The following EPB41L1 variants were observed in gnomAD, a reference collection of about 807,000 sequenced individuals.
The protein encoded by EPB41L1 is erythrocyte membrane protein band 4.1 like 1, also known as band 4.1-like protein 1.
A neutral mutation model predicts 97.8 loss-of-function variants in EPB41L1; 29 were observed. The observed-to-expected ratio is 0.30, with a 90% confidence interval of 0.22 to 0.40. The LOEUF is 0.40. EPB41L1 is among the 10% of genes least tolerant of loss of function. EPB41L1 has a pLI of 1.00. For missense variants in EPB41L1, 812 were observed against 1,162.3 expected, an observed-to-expected ratio of 0.70 and a Z score of 4.38; for synonymous variants, 383 against 459.2, an observed-to-expected ratio of 0.83 and a Z score of 2.12.
intron 2 of EPB41L1, among the ~76,000 whole-genome samples, chr20:36,133,170 G>A (rs1006382786): frequency 7.9e-5 from 12 of 152,274 alleles, no homozygotes; most frequent in Admixed American, 3.9e-4. Flanking sequence ...GTCCACCAGC[G>A]TTGAGCCCCG....
Position 36,190,163 on chromosome 20 carries a change from G to T in EPB41L1, c.1027-114G>T. The T allele has an allele frequency of 1.2e-6, 1 of 861,146 alleles. No homozygotes were observed. Among genetic ancestry groups the T allele is most frequent in the South Asian group, 1.5e-5 (1 of 68,552 alleles). 53.3% of individuals were successfully genotyped at this position (861,146 alleles called of 1,614,324 possible). ...TGTACTCCACCCTGGGCAAATGATC[G>T]AGACCCTGTGTCTCAAAAAAACATT... is the stretch of plus-strand genomic sequence containing the variant. On this transcript the variant is annotated intron_variant, in intron 9 of 21. Coordinates refer to ENST00000338074, the MANE Select transcript of EPB41L1 (RefSeq NM_012156.2). This position sits in a 1 kb window ranked among gnomAD's most constrained non-coding sequence, Gnocchi z 5.8.
chr20:36,095,133 G>A (rs1447896298), intron 1 of EPB41L1, among the ~76,000 whole-genome samples: 7 of 151,968 alleles, frequency 4.6e-5, no homozygotes, highest in Non-Finnish European at 8.8e-5. Flanking sequence ...CACCACGCCC[G>A]ACTAATTTTT....
At chr20:36,139,975 C>T (rs1278681205) in intron 2 of EPB41L1, among the ~76,000 whole-genome samples, 2 of 152,006 alleles carry the variant, frequency 1.3e-5, no homozygotes, top group African/African-American at 2.4e-5. Context: ...GGTGATCCGC[C>T]CACCTTGGCC....
chr20:36,227,135 T>G (rs1296130318), intron 21 of EPB41L1, among the ~76,000 whole-genome samples: 1 of 152,042 alleles, frequency 6.6e-6, no homozygotes, highest in Non-Finnish European at 1.5e-5. Context: ...GCCATCATAA[T>G]GAGACCTTCG....
chr20:36,129,333 G>GT (rs1318339695), intron 2 of EPB41L1, among the ~76,000 whole-genome samples: 1 of 152,122 alleles, frequency 6.6e-6, no homozygotes, highest in African/African-American at 2.4e-5. Context: ...ATGGCCACGG[G>GT]TGTGGTAAGT....
intron 1 of EPB41L1, among the ~76,000 whole-genome samples, chr20:36,170,590 T>C (rs1374313687): frequency 1.3e-5 from 2 of 152,234 alleles, no homozygotes; most frequent in Non-Finnish European, 2.9e-5. Flanking sequence ...GTCCTTGGTG[T>C]CTAGCGTGAA....
chr20:36,187,794 T>G (rs2061746084), intron 8 of EPB41L1, 31 bp downstream of exon 8: 1 of 1,597,880 alleles, frequency 6.3e-7, no homozygotes. Flanking sequence ...TCCCCTAGTG[T>G]CTGGGTGGTG....
chr20:36,169,635 A>G (rs2060896806), intron 1 of EPB41L1, among the ~76,000 whole-genome samples: 3 of 151,528 alleles, frequency 2.0e-5, no homozygotes. Flanking sequence ...CCCCTGCCCA[A>G]CCCCCTTCTT....
chr20:36,105,486 T>C (rs1440505716), intron 1 of EPB41L1, among the ~76,000 whole-genome samples: 1 of 152,210 alleles, frequency 6.6e-6, no homozygotes, highest in Non-Finnish European at 1.5e-5. Context: ...GGGCCTGTTT[T>C]CTTCTACTTT....
intron 1 of EPB41L1, among the ~76,000 whole-genome samples, chr20:36,105,843 C>T (rs185482497): frequency 6.6e-5 from 10 of 152,260 alleles, no homozygotes; most frequent in African/African-American, 2.4e-4. Flanking sequence ...GGGAGGGGGG[C>T]TGCACCCCAG....
intron 2 of EPB41L1, among the ~76,000 whole-genome samples, chr20:36,124,392 G>A (rs1174599661): frequency 6.6e-6 from 1 of 152,118 alleles, no homozygotes; most frequent in Non-Finnish European, 1.5e-5. Context: ...GCCGGTTCCT[G>A]CCTCCCCCTT....
At chr20:36,143,960 C>A (rs1005865714) in intron 2 of EPB41L1, among the ~76,000 whole-genome samples, 10 of 152,042 alleles carry the variant, frequency 6.6e-5, no homozygotes, top group African/African-American at 2.4e-4. Context: ...TCAAGTGATT[C>A]TCCTGCCTCA....
chr20:36,139,881 G>A (rs1261639610), intron 2 of EPB41L1, among the ~76,000 whole-genome samples: 1 of 152,050 alleles, frequency 6.6e-6, no homozygotes, highest in Non-Finnish European at 1.5e-5. Context: ...ACAGGCATGT[G>A]CCACCATGCC....
Position 36,229,424 on chromosome 20 carries a change from C to T in EPB41L1, c.*84C>T, listed in dbSNP as rs995604320. 6.5e-5 allele frequency: 91 copies of T among 1,403,584 alleles called. 1 individual carries two copies. Among genetic ancestry groups the T allele is most frequent in the South Asian group, 1.5e-4 (13 of 86,666 alleles). 86.9% of individuals were successfully genotyped at this position (1,403,584 alleles called of 1,614,324 possible). On this transcript the variant is annotated 3_prime_UTR_variant, in exon 22 of 22. Coordinates refer to ENST00000338074, the MANE Select transcript of EPB41L1 (RefSeq NM_012156.2). ...GGGGCCTTCATTCTGGATTCTCCGA[C>T]GCAACACTGACGTCCCAGCTGCGAC...
At chr20:36,146,268 C>T (rs576174538) in intron 2 of EPB41L1, among the ~76,000 whole-genome samples, 7 of 152,280 alleles carry the variant, frequency 4.6e-5, no homozygotes, top group East Asian at 3.9e-4. Context: ...CAGAGGAGTT[C>T]GACAAATCCC....
At chr20:36,148,290 G>T (rs1432591170) in intron 2 of EPB41L1, among the ~76,000 whole-genome samples, 1 of 152,194 alleles carries the variant, frequency 6.6e-6, no homozygotes, top group Non-Finnish European at 1.5e-5. Context: ...CTTGAGGGTG[G>T]CAGGACGGAG....
At chr20:36,211,337 C>T (rs556594802) in intron 15 of EPB41L1, among the ~76,000 whole-genome samples, 18 of 152,112 alleles carry the variant, frequency 1.2e-4, no homozygotes, top group South Asian at 1.0e-3. Context: ...GCTGAGATCA[C>T]GCCATTACAC....
At chr20:36,114,818 G>A (rs907988675) in intron 2 of EPB41L1, among the ~76,000 whole-genome samples, 2 of 152,110 alleles carry the variant, frequency 1.3e-5, no homozygotes, top group Non-Finnish European at 2.9e-5. Flanking sequence ...ACTGTTGCTG[G>A]GAGGATAGGA....
chr20:36,171,395 G>A (rs571107774), intron 1 of EPB41L1, among the ~76,000 whole-genome samples: 6 of 152,230 alleles, frequency 3.9e-5, no homozygotes, highest in South Asian at 4.1e-4. Context: ...ATGGCTTTAC[G>A]TTATACCCAT....
Sources: gnomAD v4.1 joint callset for allele counts (sites outside exome capture counted in the v4.1 genomes callset) on GRCh38, gnomAD v4.1.1 for gene constraint, Gnocchi (gnomAD v3.1) non-coding constraint, MANE v1.5 for transcripts, NCBI Gene and HGNC (gene_info 2026-07-23, HGNC 2026-07-21) for gene names.